Variants in TBC1D12 observed in about 807,000 individuals in gnomAD.
The protein encoded by TBC1D12 is TBC1 domain family member 12.
In TBC1D12, 56 loss-of-function variants were observed where a neutral mutation model predicts 86.7. The observed-to-expected ratio is 0.65, with a 90% confidence interval of 0.52 to 0.81. The LOEUF is 0.81. Ranked by LOEUF, TBC1D12 falls within the 30% of genes least tolerant of loss-of-function variation. TBC1D12 has a pLI of 0.00. For synonymous variants in TBC1D12, 421 were observed against 411.7 expected (o/e 1.02, Z -0.27); for missense variants, 1,023 against 1,038.8 (o/e 0.98, Z 0.21).
chr10:94,507,277 A>C lies in TBC1D12; in HGVS notation c.1530A>C (p.Glu510Asp). The C allele has an allele frequency of 6.2e-7, 1 of 1,610,664 alleles. No homozygotes were observed. The highest frequency in any genetic ancestry group is 1.1e-5 in the South Asian group (1 of 89,862). Residue 510 changes from glutamate to aspartate, a missense_variant, in exon 7 of 13, where the codon GAA (glutamate) becomes GAC (aspartate). Physicochemically the swap from Glu to Asp is conservative, Grantham distance 45. Around this residue, in one of 2 missense-constraint regions of TBC1D12, gnomAD observed 395 missense variants for 507.7 expected, o/e 0.78. Coordinates refer to ENST00000225235, the MANE Select transcript of TBC1D12 (RefSeq NM_015188.2). ...CCCCCCAACCCCCAGAACTTTATGA[A>C]ATCTTCCTCTCAAGAGCAAAAGAAC... ...NELNITPELY[E>D]IFLSRAKERW...
intron 6 of TBC1D12, among the ~76,000 whole-genome samples, chr10:94,501,092 GAATGAATA>G (rs889805942): frequency 2.0e-5 from 3 of 146,770 alleles, no homozygotes; most frequent in East Asian, 4.3e-4. Context: ...ATGAATGAAT[GAATGAATA>G]AATAAATAAA....
At position 94,402,853 on chromosome 10, in the gene TBC1D12, G is replaced by C; in HGVS notation, c.240G>C (p.Gln80His). Reference protein sequence around the residue: ...LQRYLAAAGEQLEPGLCYCPL... With the variant: ...LQRYLAAAGEHLEPGLCYCPL... ...GTTACCTCGCGGCGGCCGGGGAGCA[G>C]CTGGAGCCGGGGCTCTGCTACTGTC... The change falls in exon 1 of 13, where the codon CAG becomes CAC. Residue 80 changes from glutamine to histidine, a missense_variant. By Grantham distance (24) the Gln-to-His change is conservative. This residue lies in a region of TBC1D12 where 628 missense variants were observed against 531.1 expected (regional missense o/e 1.18). Coordinates refer to ENST00000225235, the MANE Select transcript of TBC1D12 (RefSeq NM_015188.2). 2 of 1,532,856 alleles carry C rather than the reference G, an allele frequency of 1.3e-6. No individual in the cohort carries two copies. Among genetic ancestry groups the C allele is most frequent in the South Asian group, 1.2e-5 (1 of 81,942 alleles). The allele number at this position is 1,532,856 out of a possible 1,614,324, so 95.0% of individuals were successfully genotyped here. A position where few individuals can be genotyped will look rare whatever the true frequency, so the allele number is the denominator to read the frequency against.
chr10:94,497,282 A>C (rs910636927), intron 5 of TBC1D12, 110 bp downstream of exon 5: 1 of 529,280 alleles, frequency 1.9e-6, no homozygotes. Context: ...GTACATGTGC[A>C]CAATGTGCAG....
At chr10:94,530,418 G>T (rs1377244658) in intron 11 of TBC1D12, among the ~76,000 whole-genome samples, 1 of 152,078 alleles carries the variant, frequency 6.6e-6, no homozygotes, top group African/African-American at 2.4e-5. Context: ...TTGTGCAAGG[G>T]GAAGAGAAAA....
intron 3 of TBC1D12, among the ~76,000 whole-genome samples, chr10:94,483,712 T>A (rs901747284): frequency 6.6e-6 from 1 of 152,088 alleles, no homozygotes; most frequent in Non-Finnish European, 1.5e-5. Flanking sequence ...TCTCCCATTC[T>A]GTTTATTGGT....
intron 1 of TBC1D12, among the ~76,000 whole-genome samples, chr10:94,434,825 T>G (rs780502326): frequency 1.4e-4 from 22 of 152,214 alleles, no homozygotes; most frequent in Non-Finnish European, 2.6e-4. Flanking sequence ...GAGGACTGTT[T>G]GAGCCTGAGA....
At chr10:94,514,050 CAAA>C (rs34400993) in intron 9 of TBC1D12, among the ~76,000 whole-genome samples, 2 of 133,828 alleles carry the variant, frequency 1.5e-5, no homozygotes, top group Non-Finnish European at 3.2e-5. Flanking sequence ...AAAAAAAAAA[CAAA>C]AAAAAAAAAA....
At chr10:94,422,282 C>T (rs1019808730) in intron 1 of TBC1D12, among the ~76,000 whole-genome samples, 1 of 151,004 alleles carries the variant, frequency 6.6e-6, no homozygotes, top group South Asian at 2.1e-4. Flanking sequence ...CTCCGCCTCC[C>T]GGGTTCAAGC....
intron 1 of TBC1D12, among the ~76,000 whole-genome samples, chr10:94,408,159 C>T (rs1425703205): frequency 6.6e-6 from 1 of 152,144 alleles, no homozygotes; most frequent in African/African-American, 2.4e-5. Flanking sequence ...AACATAGACA[C>T]TTATCTGTGT....
intron 3 of TBC1D12, among the ~76,000 whole-genome samples, chr10:94,482,534 T>C (rs2056092814): frequency 6.6e-6 from 1 of 152,036 alleles, no homozygotes; most frequent in African/African-American, 2.4e-5. Flanking sequence ...TACTGCGATC[T>C]CTGCCTCCCA....
intron 3 of TBC1D12, among the ~76,000 whole-genome samples, chr10:94,483,575 T>A (rs2056110787): frequency 6.6e-6 from 1 of 152,244 alleles, no homozygotes. Context: ...GAAATGTCTA[T>A]TCAAATATTT....
intron 1 of TBC1D12, among the ~76,000 whole-genome samples, chr10:94,435,463 G>A (rs1006531331): frequency 6.6e-6 from 1 of 152,126 alleles, no homozygotes; most frequent in Non-Finnish European, 1.5e-5. Flanking sequence ...TATTACTAAT[G>A]AGGCTAAATA....
intron 5 of TBC1D12, among the ~76,000 whole-genome samples, chr10:94,497,801 G>A (rs1343116119): frequency 1.4e-5 from 2 of 144,888 alleles, no homozygotes; most frequent in East Asian, 4.1e-4. Flanking sequence ...AACTTTTAAT[G>A]TCTTTGGTTA....
At chr10:94,441,039 A>G (rs7895305) in intron 1 of TBC1D12, among the ~76,000 whole-genome samples, 78,273 of 151,786 alleles carry the variant, frequency 0.52, 20,560 homozygotes, top group East Asian at 0.79. Flanking sequence ...TAGTAGAGAC[A>G]GGGTTTCACC....
intron 1 of TBC1D12, among the ~76,000 whole-genome samples, chr10:94,431,627 A>G (rs561459537): frequency 1.3e-5 from 2 of 152,298 alleles, no homozygotes; most frequent in African/African-American, 4.8e-5. Flanking sequence ...GTCTTAATAC[A>G]GATACATTGT....
intron 1 of TBC1D12, among the ~76,000 whole-genome samples, chr10:94,413,236 G>T (rs2054950278): frequency 6.6e-6 from 1 of 152,174 alleles, no homozygotes; most frequent in South Asian, 2.1e-4. Context: ...ACTTGGATGA[G>T]AAATTATTTC....
At chr10:94,414,235 C>T (rs1405054187) in intron 1 of TBC1D12, among the ~76,000 whole-genome samples, 6 of 151,794 alleles carry the variant, frequency 4.0e-5, no homozygotes, top group East Asian at 1.9e-4. Context: ...AAAGATAATA[C>T]ATTGTTTCCA....
At chr10:94,494,703 C>G (rs1019477373) in intron 4 of TBC1D12, among the ~76,000 whole-genome samples, 4 of 151,926 alleles carry the variant, frequency 2.6e-5, no homozygotes, top group Non-Finnish European at 5.9e-5. Context: ...ACCACCACGC[C>G]CAGTTAATTT....
intron 3 of TBC1D12, among the ~76,000 whole-genome samples, chr10:94,484,793 G>A (rs1169858274): frequency 6.6e-6 from 1 of 151,946 alleles, no homozygotes; most frequent in East Asian, 1.9e-4. Flanking sequence ...TTTTACAGTT[G>A]TTATTGTTTT....
Sources: allele counts gnomAD v4.1 joint callset (sites outside exome capture counted in the v4.1 genomes callset), GRCh38; gene constraint gnomAD v4.1.1; regional missense constraint gnomAD v4.1.1; transcripts MANE v1.5; gene names NCBI Gene and HGNC (gene_info 2026-07-23, HGNC 2026-07-21).